EMILIN2: variants seen among roughly 807,000 people sequenced by gnomAD.
EMILIN2 encodes the protein elastin microfibril interfacer 2.
In EMILIN2, 71 loss-of-function variants were observed where a neutral mutation model predicts 87.1. The observed-to-expected ratio is 0.82, with a 90% CI of 0.67 to 0.99. The LOEUF is 0.99. EMILIN2 is among the 50% of genes least tolerant of loss of function. The pLI is 0.00. For missense variants in EMILIN2, 1,407 were observed against 1,371.8 expected, an observed-to-expected ratio of 1.03 and a Z score of -0.40; for synonymous variants, 581 against 563.4, an observed-to-expected ratio of 1.03 and a Z score of -0.44.
intron 4 of EMILIN2, among the ~76,000 whole-genome samples, chr18:2,905,316 A>T (rs1598505206): frequency 1.2e-4 from 16 of 128,508 alleles, no homozygotes; most frequent in South Asian, 2.6e-4. Flanking sequence ...GGGGGCATGT[A>T]TTTGATCTGC....
chr18:2,909,172 G>A (rs779282655), intron 6 of EMILIN2, among the ~76,000 whole-genome samples, 197 bp downstream of exon 6: 2 of 152,188 alleles, frequency 1.3e-5, no homozygotes, highest in Non-Finnish European at 1.5e-5. Flanking sequence ...GCTCCCCAGA[G>A]AGGGTCAGAG....
intron 4 of EMILIN2, among the ~76,000 whole-genome samples, chr18:2,892,872 C>T (rs1013133824): frequency 1.3e-5 from 2 of 148,310 alleles, no homozygotes; most frequent in South Asian, 2.2e-4. Context: ...GCCAACATGG[C>T]GAAAATCCGT....
chr18:2,860,234 A>G (rs895490947), intron 2 of EMILIN2, among the ~76,000 whole-genome samples: 10 of 151,954 alleles, frequency 6.6e-5, no homozygotes, highest in Admixed American at 6.6e-5. Flanking sequence ...TATGTCATCT[A>G]TGATTCCTTT....
chr18:2,847,039 G>T lies in EMILIN2; in HGVS notation c.-150G>T. 1 of 1,057,830 alleles carries T rather than the reference G, an allele frequency of 9.5e-7. No homozygotes were observed. Among genetic ancestry groups the T allele is most frequent in the African/African-American group, 1.7e-5 (1 of 58,128 alleles). 65.5% of individuals were successfully genotyped at this position (1,057,830 alleles called of 1,614,324 possible). ...AAGTAGGAACGAGAAGCCGGAGGGG[G>T]CGGCCGCGGAGCACTGGTTGGAGCG... On this transcript the variant is annotated 5_prime_UTR_variant, in exon 1 of 8. Coordinates refer to ENST00000254528, the MANE Select transcript of EMILIN2 (RefSeq NM_032048.3). The surrounding 1 kb of genome is among the most constrained non-coding windows in gnomAD (Gnocchi z 4.5).
intron 2 of EMILIN2, among the ~76,000 whole-genome samples, chr18:2,876,261 A>G (rs1014800901): frequency 1.3e-5 from 2 of 151,530 alleles, no homozygotes; most frequent in East Asian, 2.0e-4. Flanking sequence ...GATTACAGAC[A>G]TGAGCCAACG....
intron 2 of EMILIN2, among the ~76,000 whole-genome samples, chr18:2,870,767 C>G (rs2076715293): frequency 6.6e-6 from 1 of 152,162 alleles, no homozygotes; most frequent in South Asian, 2.1e-4. Context: ...AGGTGGGTGT[C>G]CACAGGGGGT....
At chr18:2,871,098 C>T (rs940972878) in intron 2 of EMILIN2, among the ~76,000 whole-genome samples, 6 of 152,138 alleles carry the variant, frequency 3.9e-5, no homozygotes, top group Non-Finnish European at 5.9e-5. Context: ...TCACATTTTC[C>T]GGTACTGGGG....
intron 2 of EMILIN2, among the ~76,000 whole-genome samples, chr18:2,860,069 A>G (rs538263913): frequency 5.3e-5 from 8 of 152,058 alleles, no homozygotes; most frequent in Non-Finnish European, 8.8e-5. Flanking sequence ...TTTTGGTTCT[A>G]TAAGAATTTT....
chr18:2,853,574 A>G (rs770712328), intron 2 of EMILIN2, among the ~76,000 whole-genome samples: 6 of 152,172 alleles, frequency 3.9e-5, no homozygotes, highest in Non-Finnish European at 8.8e-5. Flanking sequence ...GAGCCCTGCC[A>G]TGTTCATTGT....
chr18:2,886,296 A>G (rs778883533), intron 3 of EMILIN2, among the ~76,000 whole-genome samples: 3 of 152,220 alleles, frequency 2.0e-5, no homozygotes, highest in Non-Finnish European at 4.4e-5. Context: ...TGGAGGGAAC[A>G]TGACATGGGG....
chr18:2,866,861 A>C (rs1479339066), intron 2 of EMILIN2, among the ~76,000 whole-genome samples: 1 of 152,204 alleles, frequency 6.6e-6, no homozygotes, highest in Non-Finnish European at 1.5e-5. Context: ...ATTACATTGA[A>C]GTATGTCTCT....
intron 5 of EMILIN2, among the ~76,000 whole-genome samples, chr18:2,907,864 G>C (rs2076922187): frequency 6.6e-6 from 1 of 152,188 alleles, no homozygotes; most frequent in Non-Finnish European, 1.5e-5. Flanking sequence ...ATCTGCCATA[G>C]ATACATGCAT....
rs2076959165 is a variant in EMILIN2, at chr18:2,914,944, T to C, written c.*1540T>C. ...GGCTAAAGAGAGCTGTCAGAGAGTA[T>C]CCTTGGCTGTCCTAGGAATGACTCA... On this transcript the variant is annotated 3_prime_UTR_variant, in exon 8 of 8. Transcript: ENST00000254528. 2.0e-5 allele frequency: 3 copies of C among 152,176 alleles called. No individual in the cohort carries two copies. Among genetic ancestry groups the C allele is most frequent in the African/African-American group, 7.2e-5 (3 of 41,428 alleles). 9.4% of individuals were successfully genotyped at this position (152,176 alleles called of 1,614,324 possible). A position where few individuals can be genotyped will look rare whatever the true frequency, so the allele number is the denominator to read the frequency against.
Position 2,890,416 on chromosome 18 carries a change from T to C in EMILIN2, c.434-145T>C. ...CTACAAAGCCCATACTCTTTTCTAC[T>C]GTACCACAGTACTTACCTACAATTG... On this transcript the variant is annotated intron_variant, in intron 3 of 7. Coordinates refer to ENST00000254528, the MANE Select transcript of EMILIN2 (RefSeq NM_032048.3). The surrounding 1 kb of genome is among the most constrained non-coding windows in gnomAD (Gnocchi z 4.7). 2.2e-6 allele frequency: 2 copies of C among 908,128 alleles called. No homozygotes were observed. Among genetic ancestry groups the C allele is most frequent in the Non-Finnish European group, 3.2e-6 (2 of 624,148 alleles). 56.3% of individuals were successfully genotyped at this position (908,128 alleles called of 1,614,324 possible). A position where few individuals can be genotyped will look rare whatever the true frequency, so the allele number is the denominator to read the frequency against.
chr18:2,915,097 C>G lies in EMILIN2; in HGVS notation c.*1693C>G, dbSNP rs2076960398. The G allele has an allele frequency of 6.6e-6, 1 of 152,318 alleles. No individual in the cohort carries two copies. Among genetic ancestry groups the G allele is most frequent in the Non-Finnish European group, 1.5e-5 (1 of 68,104 alleles). 9.4% of individuals were successfully genotyped at this position (152,318 alleles called of 1,614,324 possible). ...GCGCCCAAGGGGACGTGCTCAAGAG[C>G]TGCAGGGGCAGGGCCCAGGCAAAAG... is the stretch of plus-strand genomic sequence containing the variant. On this transcript the variant is annotated 3_prime_UTR_variant, in exon 8 of 8. Coordinates refer to ENST00000254528, the MANE Select transcript of EMILIN2 (RefSeq NM_032048.3).
intron 7 of EMILIN2, among the ~76,000 whole-genome samples, chr18:2,911,705 C>T (rs535659916): frequency 1.3e-5 from 2 of 152,280 alleles, no homozygotes; most frequent in East Asian, 1.9e-4. Context: ...AGGGATGGTT[C>T]GTCTGCTTGG....
chr18:2,879,636 G>A (rs537692002), intron 2 of EMILIN2, among the ~76,000 whole-genome samples: 1 of 151,948 alleles, frequency 6.6e-6, no homozygotes, highest in African/African-American at 2.4e-5. Flanking sequence ...ACTCCAGCCT[G>A]AGCGACAGAG....
intron 4 of EMILIN2, among the ~76,000 whole-genome samples, chr18:2,893,861 G>A (rs555750524): frequency 6.6e-6 from 1 of 152,284 alleles, no homozygotes; most frequent in South Asian, 2.1e-4. Context: ...AGGCCAGGCT[G>A]CGTCCAAGAA....
At position 2,909,374 on chromosome 18, in the gene EMILIN2, A is replaced by G. The variant is rs376369034; in HGVS notation, c.2696-317A>G. 1.7e-3 allele frequency among the ~76,000 whole-genome samples: 255 copies of G among 151,920 alleles called. 1 individual carries two copies. The highest frequency in any genetic ancestry group is 3.2e-3 in the Non-Finnish European group (219 of 67,822). On this transcript the variant is annotated intron_variant, in intron 6 of 7. Coordinates refer to ENST00000254528, the MANE Select transcript of EMILIN2 (RefSeq NM_032048.3). Reference sequence around the variant, plus strand: ...ACCCACTGCCTGGCCTGGCCTCCTAATATGTGTGCTCACAAGTGTGTGCAC... The same window carrying G: ...ACCCACTGCCTGGCCTGGCCTCCTAGTATGTGTGCTCACAAGTGTGTGCAC...
Sources: gnomAD v4.1 joint callset for allele counts (sites outside exome capture counted in the v4.1 genomes callset) on GRCh38, gnomAD v4.1.1 for gene constraint, Gnocchi (gnomAD v3.1) non-coding constraint, MANE v1.5 for transcripts, NCBI Gene and HGNC (gene_info 2026-07-23, HGNC 2026-07-21) for gene names.